Variants in UBN2 observed in about 807,000 individuals in gnomAD.
UBN2 encodes the protein ubinuclein 2, also known as ubinuclein-2.
Under a neutral mutation model 120.2 loss-of-function variants are expected in UBN2, and 35 were observed. The observed-to-expected ratio is 0.29, with a 90% CI of 0.22 to 0.39. The LOEUF (loss-of-function observed/expected upper bound fraction) is 0.39. UBN2 is among the 10% of genes least tolerant of loss of function. The pLI is 1.00. For synonymous variants in UBN2, 661 were observed against 648.7 expected (o/e 1.02, Z -0.29); for missense variants, 1,693 against 1,663.2 (o/e 1.02, Z -0.31).
chr7:139,280,596 T>C (rs186528151), intron 13 of UBN2, among the ~76,000 whole-genome samples: 13 of 152,254 alleles, frequency 8.5e-5, no homozygotes, highest in African/African-American at 3.1e-4. Flanking sequence ...TCCTGACTTT[T>C]TTGGTGTTAG....
At chr7:139,241,155 A>G (rs1796309153) in intron 2 of UBN2, among the ~76,000 whole-genome samples, 1 of 152,206 alleles carries the variant, frequency 6.6e-6, no homozygotes, top group African/African-American at 2.4e-5. Context: ...TTTGATGGGT[A>G]TAGACTTGTT....
Position 139,284,189 on chromosome 7 carries a change from A to G in UBN2, c.3284A>G (p.Asn1095Ser), listed in dbSNP as rs1797707754. The G allele has an allele frequency of 3.7e-6, 6 of 1,614,034 alleles. No individual in the cohort carries two copies. Among genetic ancestry groups the G allele is most frequent in the Non-Finnish European group, 5.1e-6 (6 of 1,179,986 alleles). Reference sequence around the variant, plus strand: ...GTATCCCCAAGTAGTTCCAGTCCAAATGCACTAGTTGCCCAGGGTAGCCAC... The same window carrying G: ...GTATCCCCAAGTAGTTCCAGTCCAAGTGCACTAGTTGCCCAGGGTAGCCAC... Reference protein sequence around the residue: ...PTVSPSSSSPNALVAQGSHSS... With the variant: ...PTVSPSSSSPSALVAQGSHSS... The change falls in exon 15 of 18, where the codon AAT (asparagine) becomes AGT (serine). Residue 1095 changes from asparagine to serine, a missense_variant. Transcript: ENST00000473989.
At position 139,276,128 on chromosome 7, in the gene UBN2, A is replaced by G. The variant is rs1374446364; in HGVS notation, c.2005A>G (p.Asn669Asp). ...TTTTAAGGAAAGCCGGAGTGTTCATAATCATCTTACTTCTGCTCCGTGAGT... is the reference window on the plus strand; with the variant it reads ...TTTTAAGGAAAGCCGGAGTGTTCATGATCATCTTACTTCTGCTCCGTGAGT... ...MLFKESRSVHNHLTSAPAKKK... is the reference protein window; with the variant it reads ...MLFKESRSVHDHLTSAPAKKK... Residue 669 changes from asparagine to aspartate, a missense_variant, in exon 12 of 18, where the codon AAT (asparagine) becomes GAT (aspartate). By Grantham distance (23) the Asn-to-Asp change is conservative (BLOSUM62 1). Around this residue, in one of 5 missense-constraint regions of UBN2, gnomAD observed 837 missense variants for 817.6 expected, o/e 1.02. Transcript: ENST00000473989. 1 of 1,613,556 alleles carries G rather than the reference A, an allele frequency of 6.2e-7. No individual in the cohort carries two copies. The highest frequency in any genetic ancestry group is 8.5e-7 in the Non-Finnish European group (1 of 1,179,906).
In UBN2 at chr7:139,261,718, A is replaced by G. The variant is rs775944690; in HGVS notation, c.1372A>G (p.Lys458Glu). 1 of 1,612,186 alleles carries G rather than the reference A, an allele frequency of 6.2e-7. No individual in the cohort carries two copies. The highest frequency in any genetic ancestry group is 1.1e-5 in the South Asian group (1 of 91,058). ...AGAGGGTCTACCTGTACTTCTTGAA[A>G]AACGTATCGAAGACCTTCGTGTAGT... Reference protein sequence around the residue: ...LPEGLPVLLEKRIEDLRVAAK... With the variant: ...LPEGLPVLLEERIEDLRVAAK... Residue 458 changes from lysine (K) to glutamate (E), a missense_variant, in exon 6 of 18, where the codon AAA (lysine) becomes GAA (glutamate). Lys to Glu is a moderately conservative substitution (Grantham distance 56). Coordinates refer to ENST00000473989, the MANE Select transcript of UBN2 (RefSeq NM_173569.4).
chr7:139,235,640 C>T (rs1796145606), intron 1 of UBN2, among the ~76,000 whole-genome samples: 1 of 152,202 alleles, frequency 6.6e-6, no homozygotes, highest in Non-Finnish European at 1.5e-5. Flanking sequence ...CTCTTGACCT[C>T]AGGTGATCCA....
At position 139,261,611 on chromosome 7, in the gene UBN2, C is replaced by G. The variant is rs1563211667; in HGVS notation, c.1265C>G (p.Ser422Cys). The change falls in exon 6 of 18, where the codon TCT becomes TGT. Residue 422 changes from serine to cysteine, a missense_variant. By Grantham distance (112) the Ser-to-Cys change is moderately radical (BLOSUM62 -1). Around this residue, in one of 5 missense-constraint regions of UBN2, gnomAD observed 663 missense variants for 591.2 expected, o/e 1.12. Coordinates refer to ENST00000473989, the MANE Select transcript of UBN2 (RefSeq NM_173569.4). ...GCTGCTTCTGATGGTAGCCCCCTAT[C>G]TGAGTCGGGGGGTGAAAATGGAACC... ...LDAASDGSPLSESGGENGTTT... is the reference protein window; with the variant it reads ...LDAASDGSPLCESGGENGTTT... 1 of 1,614,200 alleles carries G rather than the reference C, an allele frequency of 6.2e-7. No individual in the cohort carries two copies. Among genetic ancestry groups the G allele is most frequent in the South Asian group, 1.1e-5 (1 of 91,082 alleles).
At position 139,276,140 on chromosome 7, in the gene UBN2, TCTG is replaced by T; in HGVS notation, c.2020_2022del (p.Ala674del). On this transcript the variant is annotated inframe_deletion, in exon 12 of 18. Coordinates refer to ENST00000473989, the MANE Select transcript of UBN2 (RefSeq NM_173569.4). ...CCGGAGTGTTCATAATCATCTTACT[TCTG>T]CTCCGTGAGTAAATGCAGACTCCAG... 6.2e-7 allele frequency: 1 copy of T among 1,613,650 alleles called. No homozygotes were observed. The highest frequency in any genetic ancestry group is 8.5e-7 in the Non-Finnish European group (1 of 1,179,886).
chr7:139,243,919 T>C (rs1288754256), intron 2 of UBN2, among the ~76,000 whole-genome samples: 1 of 152,198 alleles, frequency 6.6e-6, no homozygotes. Flanking sequence ...ACAGTGGGAC[T>C]GGAAAGTAGA....
At chr7:139,274,839 G>A (rs976894140) in intron 11 of UBN2, among the ~76,000 whole-genome samples, 8 of 152,030 alleles carry the variant, frequency 5.3e-5, no homozygotes, top group African/African-American at 1.9e-4. Context: ...TGTAATCTCA[G>A]CACTTTGGAA....
chr7:139,247,031 A>G (rs905710887), intron 2 of UBN2, among the ~76,000 whole-genome samples: 4 of 152,124 alleles, frequency 2.6e-5, no homozygotes, highest in Non-Finnish European at 5.9e-5. Context: ...GTGAGAGTGC[A>G]AGTCTGTGTG....
rs1798181143 is a variant in UBN2, at chr7:139,298,766, C to G, written c.*930C>G. 1 of 152,084 alleles carries G rather than the reference C, an allele frequency of 6.6e-6. No individual in the cohort carries two copies. The highest frequency in any genetic ancestry group is 1.5e-5 in the Non-Finnish European group (1 of 67,994). 9.4% of individuals were successfully genotyped at this position (152,084 alleles called of 1,614,324 possible). ...TTTAGCCCTTGCAGCAACATAAACT[C>G]TAAGTTTCCCCAGTTCATCTAACTT... On this transcript the variant is annotated 3_prime_UTR_variant, in exon 18 of 18. Coordinates refer to ENST00000473989, the MANE Select transcript of UBN2 (RefSeq NM_173569.4).
Position 139,293,643 on chromosome 7 carries a change from A to G in UBN2, c.3901+180A>G, listed in dbSNP as rs1024758813. On this transcript the variant is annotated intron_variant, in intron 16 of 17. Coordinates refer to ENST00000473989, the MANE Select transcript of UBN2 (RefSeq NM_173569.4). ...AAATTATTGGACACTGGGGTTTTATATACAGTTTTTAAGCTATCTATACCA... is the reference window on the plus strand; with the variant it reads ...AAATTATTGGACACTGGGGTTTTATGTACAGTTTTTAAGCTATCTATACCA... 1.1e-5 allele frequency: 7 copies of G among 650,794 alleles called. No individual in the cohort carries two copies. The Admixed American group carries it at 1.8e-4, about 17-fold the overall frequency. The allele number at this position is 650,794 out of a possible 1,614,324, so 40.3% of individuals were successfully genotyped here.
At chr7:139,319,504 C>G in the UBN2 span, among the ~76,000 whole-genome samples, 1 of 152,176 alleles carries the variant, frequency 6.6e-6, no homozygotes, top group Non-Finnish European at 1.5e-5. Flanking sequence ...ACCTGTGGTC[C>G]CAGCTACTTG....
the UBN2 span, among the ~76,000 whole-genome samples, chr7:139,316,117 GTTC>G: frequency 4.0e-5 from 5 of 124,786 alleles, no homozygotes; most frequent in East Asian, 6.8e-4. Context: ...AGGGGTTCCA[GTTC>G]TTCTACATTC....
intron 1 of UBN2, among the ~76,000 whole-genome samples, chr7:139,233,945 C>G (rs1232459962): frequency 2.0e-5 from 3 of 151,860 alleles, no homozygotes; most frequent in African/African-American, 4.8e-5. Context: ...TATCAACCTT[C>G]TATTTTTTTC....
Position 139,298,877 on chromosome 7 carries a change from G to T in UBN2, c.*1041G>T, listed in dbSNP as rs543910384. On this transcript the variant is annotated 3_prime_UTR_variant, in exon 18 of 18. Transcript: ENST00000473989. ...ATAAACAGGTAGAAGTGTACACTATGTTTCTTCATTGGTCATTCAAATGGC... is the reference window on the plus strand; with the variant it reads ...ATAAACAGGTAGAAGTGTACACTATTTTTCTTCATTGGTCATTCAAATGGC... 6.6e-6 allele frequency: 1 copy of T among 152,160 alleles called. No homozygotes were observed. Among genetic ancestry groups the T allele is most frequent in the South Asian group, 2.1e-4 (1 of 4,828 alleles). The allele number at this position is 152,160 out of a possible 1,614,324, so 9.4% of individuals were successfully genotyped here. A position where few individuals can be genotyped will look rare whatever the true frequency, so the allele number is the denominator to read the frequency against.
At chr7:139,258,364 T>G in intron 3 of UBN2, 124 bp from the exon 4 acceptor site, 1 of 622,806 alleles carries the variant, frequency 1.6e-6, no homozygotes, top group Non-Finnish European at 2.5e-6. Context: ...ACAAACATCC[T>G]TATTGCAGTC....
intron 14 of UBN2, 89 bp downstream of exon 14, chr7:139,282,144 A>G: frequency 8.5e-7 from 1 of 1,170,774 alleles, no homozygotes; most frequent in Non-Finnish European, 1.3e-6. Flanking sequence ...AGAGACTTTG[A>G]TACGACTTTT....
rs1798367143 is a variant in UBN2, at chr7:139,306,864, A to G, written c.*9028A>G. The G allele has an allele frequency of 6.6e-6, 1 of 152,210 alleles. No individual in the cohort carries two copies. The highest frequency in any genetic ancestry group is 1.9e-4 in the East Asian group (1 of 5,196). 9.4% of individuals were successfully genotyped at this position (152,210 alleles called of 1,614,324 possible). On this transcript the variant is annotated 3_prime_UTR_variant, in exon 18 of 18. Transcript: ENST00000473989. ...TCCAAGTCTACCAAGGTAACTAAGT[A>G]ATGGATGTTTTCTCTCTTTTATTAC...
Sources: gnomAD v4.1 joint callset for allele counts (sites outside exome capture counted in the v4.1 genomes callset) on GRCh38, gnomAD v4.1.1 for gene constraint, gnomAD v4.1.1 regional missense constraint, MANE v1.5 for transcripts, NCBI Gene and HGNC (gene_info 2026-07-23, HGNC 2026-07-21) for gene names.